The following CSMD1 variants were observed in gnomAD, a reference collection of about 807,000 sequenced individuals.
The protein encoded by CSMD1 is CUB and Sushi multiple domains 1.
A neutral mutation model predicts 417.5 loss-of-function variants in CSMD1; 213 were observed. That is an observed-to-expected ratio of 0.51 (90% CI 0.46 to 0.57). CSMD1 has a LOEUF of 0.57. Among genes scored for constraint, CSMD1 ranks in the 20% least tolerant of loss-of-function variants. CSMD1 has a pLI of 0.00. For missense variants in CSMD1, 6,923 were observed against 4,529.7 expected (o/e 1.53, Z -15.17); for synonymous variants, 2,862 against 1,736.8 (o/e 1.65, Z -16.11).
chr8:3,743,068 G>A (rs1032497483), intron 6 of CSMD1, among the ~76,000 whole-genome samples: 2 of 152,160 alleles, frequency 1.3e-5, no homozygotes, highest in African/African-American at 2.4e-5. Flanking sequence ...TATGGCAGCT[G>A]TGCTTAGCTC....
intron 4 of CSMD1, among the ~76,000 whole-genome samples, chr8:4,024,466 A>G (rs563732865): frequency 6.6e-6 from 1 of 152,354 alleles, no homozygotes; most frequent in East Asian, 1.9e-4. Flanking sequence ...CAATGTTAGT[A>G]AAGTTGGGAT....
chr8:4,303,204 A>C (rs13269744), intron 3 of CSMD1, among the ~76,000 whole-genome samples: 2 of 151,832 alleles, frequency 1.3e-5, no homozygotes, highest in East Asian at 1.9e-4. Context: ...TGAGAATAAC[A>C]TCTGTTAACA....
chr8:3,440,051 C>A (rs528346342), intron 12 of CSMD1, among the ~76,000 whole-genome samples: 1 of 152,300 alleles, frequency 6.6e-6, no homozygotes, highest in East Asian at 1.9e-4. Context: ...GTCTTGATTA[C>A]TGGAGCTATA....
At chr8:4,890,428 C>T (rs187918475) in intron 1 of CSMD1, among the ~76,000 whole-genome samples, 1 of 151,954 alleles carries the variant, frequency 6.6e-6, no homozygotes, top group Non-Finnish European at 1.5e-5. Context: ...GTGACTCCGA[C>T]ACCCTCCCGC....
intron 5 of CSMD1, among the ~76,000 whole-genome samples, chr8:3,816,511 G>C (rs138840238): frequency 1.3e-5 from 2 of 152,232 alleles, no homozygotes; most frequent in African/African-American, 2.4e-5. Context: ...CTTCCTCATA[G>C]ATGTTTATGT....
At chr8:3,149,362 G>T (rs1381748517) in intron 40 of CSMD1, among the ~76,000 whole-genome samples, 2 of 152,202 alleles carry the variant, frequency 1.3e-5, no homozygotes, top group Non-Finnish European at 2.9e-5. Context: ...ACATTTGGAA[G>T]AATAATACAA....
At chr8:3,121,229 C>T (rs1817186051) in intron 41 of CSMD1, among the ~76,000 whole-genome samples, 1 of 152,098 alleles carries the variant, frequency 6.6e-6, no homozygotes, top group Admixed American at 6.6e-5. Flanking sequence ...ACAACAGCTT[C>T]CTGTGGTTAA....
At chr8:3,473,247 A>C (rs560430680) in intron 11 of CSMD1, among the ~76,000 whole-genome samples, 18 of 152,184 alleles carry the variant, frequency 1.2e-4, no homozygotes, top group Non-Finnish European at 2.6e-4. Flanking sequence ...CAGCAAGCAC[A>C]CTGCCATATT....
chr8:3,234,290 G>C lies in CSMD1; in HGVS notation c.4154-4059C>G, dbSNP rs143225719. Among the ~76,000 whole-genome samples the C allele has an allele frequency of 7.2e-4, 109 of 152,248 alleles. 3 individuals carry two copies. In the East Asian group the frequency reaches 0.021, roughly 29 times the overall value. On this transcript the variant is annotated intron_variant, in intron 26 of 69. Coordinates refer to ENST00000635120, the MANE Select transcript of CSMD1 (RefSeq NM_033225.6). ...GAAAATCCAAAACCAATTTTATCCA[G>C]CACTTTTACTGTATTTTCAGCATAT...
intron 5 of CSMD1, among the ~76,000 whole-genome samples, chr8:3,888,089 T>C (rs1016061497): frequency 6.6e-6 from 1 of 152,180 alleles, no homozygotes; most frequent in Non-Finnish European, 1.5e-5. Flanking sequence ...GCAATATCAT[T>C]AATTAAAAAC....
Position 3,461,329 on chromosome 8 carries a change from G to A in CSMD1, c.1561+7383C>T, listed in dbSNP as rs545849822. 3.3e-5 allele frequency among the ~76,000 whole-genome samples: 5 copies of A among 152,332 alleles called. No homozygotes were observed. In the East Asian group the frequency reaches 7.7e-4, roughly 24 times the overall value. On this transcript the variant is annotated intron_variant, in intron 12 of 69. Transcript: ENST00000635120. ...GGAATGCGCTTCTGAAGGCATGGCT[G>A]AGGAGCCAGCTTGGAGAGTATGCTG...
chr8:3,227,256 C>T (rs778227980), intron 27 of CSMD1, among the ~76,000 whole-genome samples: 1 of 151,972 alleles, frequency 6.6e-6, no homozygotes, highest in Admixed American at 6.6e-5. Context: ...AAAAAATTAG[C>T]CGGGCTTGGT....
chr8:2,955,345 T>C (rs1249824226), intron 64 of CSMD1, among the ~76,000 whole-genome samples: 7 of 152,360 alleles, frequency 4.6e-5, no homozygotes, highest in Admixed American at 3.9e-4. Context: ...GCAATCATTT[T>C]ATTATGTACT....
intron 23 of CSMD1, among the ~76,000 whole-genome samples, chr8:3,341,047 G>C (rs1402346341): frequency 1.3e-5 from 2 of 152,194 alleles, no homozygotes; most frequent in Non-Finnish European, 2.9e-5. Flanking sequence ...ATAGATTCAA[G>C]CTTTTACAAA....
intron 5 of CSMD1, among the ~76,000 whole-genome samples, chr8:3,816,185 T>C (rs940557907): frequency 1.3e-5 from 2 of 152,196 alleles, no homozygotes; most frequent in Admixed American, 6.5e-5. Flanking sequence ...CTGTGCTCTC[T>C]GCATCTGGGA....
intron 2 of CSMD1, among the ~76,000 whole-genome samples, chr8:4,613,108 C>T (rs1280266086): frequency 6.6e-6 from 1 of 152,170 alleles, no homozygotes; most frequent in Non-Finnish European, 1.5e-5. Context: ...TGAATGCACA[C>T]ACACACAGGT....
At chr8:4,422,566 G>GC (rs996887393) in intron 2 of CSMD1, among the ~76,000 whole-genome samples, 1 of 152,050 alleles carries the variant, frequency 6.6e-6, no homozygotes, top group African/African-American at 2.4e-5. Context: ...CAGGAAGAGA[G>GC]CCCTCACCAG....
intron 5 of CSMD1, among the ~76,000 whole-genome samples, chr8:3,955,067 G>C (rs1354657508): frequency 6.6e-6 from 1 of 152,150 alleles, no homozygotes; most frequent in African/African-American, 2.4e-5. Flanking sequence ...CGATAATTAT[G>C]AACCATCACC....
chr8:4,017,187 G>A (rs938268753), intron 4 of CSMD1, among the ~76,000 whole-genome samples: 1 of 152,302 alleles, frequency 6.6e-6, no homozygotes, highest in South Asian at 2.1e-4. Context: ...CTTCCTTCTA[G>A]ATATCTTTTT....
Sources: gnomAD v4.1 joint callset for allele counts (sites outside exome capture counted in the v4.1 genomes callset) on GRCh38, gnomAD v4.1.1 for gene constraint, MANE v1.5 for transcripts, NCBI Gene and HGNC (gene_info 2026-07-23, HGNC 2026-07-21) for gene names.